The following ENTREP2 variants were observed in gnomAD, a reference collection of about 807,000 sequenced individuals.
The protein encoded by ENTREP2 is endosomal transmembrane epsin interactor 2, also known as protein ENTREP2.
At chr15:29,185,289 G>A in the ENTREP2 span, among the ~76,000 whole-genome samples, 20 of 152,110 alleles carry the variant, frequency 1.3e-4, no homozygotes, top group South Asian at 4.2e-4. Context: ...TATCGGTTTC[G>A]GAATCACACC....
the ENTREP2 span, chr15:29,117,797 AAT>A: frequency 6.6e-6 from 1 of 152,562 alleles, no homozygotes; most frequent in African/African-American, 2.4e-5. Context: ...AGGGTTTTCC[AAT>A]GTGACTAATG....
chr15:29,489,754 G>T, the ENTREP2 span, among the ~76,000 whole-genome samples: 153 of 152,270 alleles, frequency 1.0e-3, no homozygotes, highest in Non-Finnish European at 1.8e-3. Flanking sequence ...ACACGCCCCT[G>T]CCTGATGCCG....
the ENTREP2 span, among the ~76,000 whole-genome samples, chr15:29,194,104 C>T: frequency 1.3e-5 from 2 of 152,196 alleles, no homozygotes; most frequent in Non-Finnish European, 2.9e-5. Flanking sequence ...GTAGAAAATG[C>T]ACAAGTGGAT....
chr15:29,590,149 G>A, the ENTREP2 span, among the ~76,000 whole-genome samples: 1 of 152,184 alleles, frequency 6.6e-6, no homozygotes, highest in Admixed American at 6.5e-5. Context: ...GGAATGGGAA[G>A]AAGGCCTCAG....
chr15:29,561,416 G>A, the ENTREP2 span, among the ~76,000 whole-genome samples: 1 of 152,150 alleles, frequency 6.6e-6, no homozygotes, highest in African/African-American at 2.4e-5. Context: ...GGCCGGGTGT[G>A]GTGGCTCACG....
the ENTREP2 span, among the ~76,000 whole-genome samples, chr15:29,607,006 G>C: frequency 6.6e-6 from 1 of 151,942 alleles, no homozygotes; most frequent in African/African-American, 2.4e-5. Context: ...GCTAATTTTT[G>C]TATTATTATA....
chr15:29,301,258 G>C, the ENTREP2 span, among the ~76,000 whole-genome samples: 1 of 152,158 alleles, frequency 6.6e-6, no homozygotes, highest in African/African-American at 2.4e-5. Flanking sequence ...TTATTTAACA[G>C]AATCGAGAAA....
At chr15:29,125,105 G>A in the ENTREP2 span, among the ~76,000 whole-genome samples, 2 of 152,178 alleles carry the variant, frequency 1.3e-5, no homozygotes, top group Non-Finnish European at 1.5e-5. Context: ...TAGCCAAGAG[G>A]GGACAGAGGC....
At chr15:29,657,260 C>T in the ENTREP2 span, among the ~76,000 whole-genome samples, 1 of 151,458 alleles carries the variant, frequency 6.6e-6, no homozygotes, top group African/African-American at 2.4e-5. Flanking sequence ...AGGGTTTCAC[C>T]GTATTAGCCA....
the ENTREP2 span, among the ~76,000 whole-genome samples, chr15:29,386,364 C>T: frequency 1.4e-4 from 22 of 152,210 alleles, no homozygotes; most frequent in Non-Finnish European, 2.9e-4. Flanking sequence ...ACCTACCCAT[C>T]TTCATGTTCC....
At chr15:29,519,159 T>TCACA in the ENTREP2 span, among the ~76,000 whole-genome samples, 1,717 of 147,400 alleles carry the variant, frequency 0.012, 29 homozygotes, top group African/African-American at 0.042. Flanking sequence ...TCTCTCTCTC[T>TCACA]CACACACACA....
At chr15:29,656,022 TA>T in the ENTREP2 span, among the ~76,000 whole-genome samples, 5,592 of 100,364 alleles carry the variant, frequency 0.056, 319 homozygotes, top group African/African-American at 0.17. Flanking sequence ...ACACTCCGTT[TA>T]AAAAAAAAAA....
the ENTREP2 span, among the ~76,000 whole-genome samples, chr15:29,475,946 C>T: frequency 6.6e-6 from 1 of 152,186 alleles, no homozygotes; most frequent in African/African-American, 2.4e-5. Flanking sequence ...GTAAGATCTG[C>T]TCATGAGACA....
chr15:29,552,617 A>G, the ENTREP2 span, among the ~76,000 whole-genome samples: 1 of 152,080 alleles, frequency 6.6e-6, no homozygotes, highest in African/African-American at 2.4e-5. Context: ...AACAGAAAAA[A>G]ACCCCACAAA....
the ENTREP2 span, among the ~76,000 whole-genome samples, chr15:29,530,067 A>G: frequency 2.4e-4 from 36 of 152,058 alleles, no homozygotes; most frequent in African/African-American, 8.2e-4. Context: ...TCGTGCTTAT[A>G]AGTCTTGGTT....
the ENTREP2 span, among the ~76,000 whole-genome samples, chr15:29,536,584 A>G: frequency 6.6e-6 from 1 of 150,962 alleles, no homozygotes; most frequent in South Asian, 2.1e-4. Flanking sequence ...AGCCTGAGCA[A>G]CAGAGCCTGA....
At chr15:29,164,433 C>T in the ENTREP2 span, among the ~76,000 whole-genome samples, 1 of 152,074 alleles carries the variant, frequency 6.6e-6, no homozygotes, top group African/African-American at 2.4e-5. Flanking sequence ...TATCTGCTGC[C>T]TTCAGGAGAC....
the ENTREP2 span, among the ~76,000 whole-genome samples, chr15:29,423,405 G>A: frequency 6.6e-6 from 1 of 152,072 alleles, no homozygotes; most frequent in East Asian, 1.9e-4. Flanking sequence ...AAATTCTAGA[G>A]AAGAATGTAA....
chr15:29,139,142 G>A, the ENTREP2 span, among the ~76,000 whole-genome samples: 3 of 152,144 alleles, frequency 2.0e-5, no homozygotes, highest in African/African-American at 7.2e-5. Flanking sequence ...TGGGTGAGGT[G>A]ACGATTCTGA....
Sources: gnomAD v4.1 joint callset for allele counts (sites outside exome capture counted in the v4.1 genomes callset) on GRCh38, gnomAD v4.1.1 for gene constraint, MANE v1.5 for transcripts, NCBI Gene and HGNC (gene_info 2026-07-23, HGNC 2026-07-21) for gene names.